TBCK: variants seen among roughly 807,000 people sequenced by gnomAD.
TBCK encodes TBC domain-containing protein kinase-like protein.
In TBCK, 99 loss-of-function variants were observed where a neutral mutation model predicts 113.4. The observed-to-expected ratio is 0.87, with a 90% CI of 0.74 to 1.03. The LOEUF (loss-of-function observed/expected upper bound fraction) is 1.03. Among genes scored for constraint, TBCK ranks in the 50% least tolerant of loss-of-function variants. The probability of loss-of-function intolerance (pLI) is 0.00; values close to 1 mark genes in which losing one functional copy is unlikely to be tolerated. For missense variants in TBCK, 1,045 were observed against 1,061.3 expected, an observed-to-expected ratio of 0.98 and a Z score of 0.21; for synonymous variants, 369 against 370.8, an observed-to-expected ratio of 1.00 and a Z score of 0.05.
chr4:106,079,628 G>C (rs976146741), intron 25 of TBCK, among the ~76,000 whole-genome samples: 1 of 152,174 alleles, frequency 6.6e-6, no homozygotes, highest in East Asian at 1.9e-4. Context: ...TACCAGGAGA[G>C]TTATGAGACA....
intron 25 of TBCK, among the ~76,000 whole-genome samples, chr4:106,053,454 C>T (rs920496346): frequency 1.7e-4 from 26 of 151,714 alleles, no homozygotes; most frequent in African/African-American, 6.3e-4. Flanking sequence ...GCCTTCAGTA[C>T]ACCAATCTCT....
chr4:106,199,248 A>G (rs990585751), intron 20 of TBCK, among the ~76,000 whole-genome samples: 1 of 152,088 alleles, frequency 6.6e-6, no homozygotes, highest in African/African-American at 2.4e-5. Flanking sequence ...TTCTTTACCA[A>G]TCAGCAGGAT....
chr4:106,275,333 G>A (rs1174201039), intron 3 of TBCK, among the ~76,000 whole-genome samples: 1 of 152,020 alleles, frequency 6.6e-6, no homozygotes, highest in African/African-American at 2.4e-5. Context: ...GTATATAATG[G>A]TGAAATACTT....
intron 1 of TBCK, chr4:106,310,070 CCTCA>C: frequency 6.6e-6 from 1 of 152,266 alleles, no homozygotes; most frequent in South Asian, 2.1e-4. Flanking sequence ...TACCCATGGA[CCTCA>C]CTAAGAAGAC....
chr4:106,306,490 ATAT>A lies in TBCK; in HGVS notation c.193+2275_193+2277del, dbSNP rs529850886. Among the ~76,000 whole-genome samples, 459 of 152,174 alleles carry A rather than the reference ATAT, an allele frequency of 3.0e-3. 2 individuals carry two copies. Among genetic ancestry groups the A allele is most frequent in the Non-Finnish European group, 5.4e-3 (364 of 68,000 alleles). ...ATAACAACTATTACTGTATTATTTA[ATAT>A]TATCATGGTTGTATTTTTCTCTACT... On this transcript the variant is annotated intron_variant, in intron 2 of 25. Transcript: ENST00000394708.
In TBCK at chr4:106,130,043, A is replaced by T. The variant is rs142932577; in HGVS notation, c.2236-13665T>A. ...ACTTATTCCCTTAACTAGGGGTGGT[A>T]ACAGGTCTGTAGCTAATATCCATAA... On this transcript the variant is annotated intron_variant, in intron 23 of 25. Coordinates refer to ENST00000394708, the MANE Select transcript of TBCK (RefSeq NM_001163435.3). Among the ~76,000 whole-genome samples the T allele has an allele frequency of 2.2e-3, 328 of 152,256 alleles. 1 individual carries two copies. Among genetic ancestry groups the T allele is most frequent in the African/African-American group, 7.5e-3 (311 of 41,540 alleles).
rs1452308458 is a variant in TBCK at position 106,304,978 on chromosome 4, T to C, written c.193+3790A>G. On this transcript the variant is annotated intron_variant, in intron 2 of 25. Coordinates refer to ENST00000394708, the MANE Select transcript of TBCK (RefSeq NM_001163435.3). The stretch of plus-strand genomic sequence containing the variant: ...TATACTTTATTTCCCTTTGTGAAGA[T>C]GGTATATAAGCCTCAATTCTAACTA... Among the ~76,000 whole-genome samples the C allele has an allele frequency of 3.3e-5, 5 of 152,206 alleles. No individual in the cohort carries two copies. In the East Asian group the frequency reaches 9.6e-4, roughly 29 times the overall value.
At chr4:106,148,041 AG>A (rs1748031103) in intron 23 of TBCK, among the ~76,000 whole-genome samples, 1 of 152,194 alleles carries the variant, frequency 6.6e-6, no homozygotes, top group Non-Finnish European at 1.5e-5. Context: ...AGTCTCCCAT[AG>A]CGCTCCCAGG....
intron 19 of TBCK, among the ~76,000 whole-genome samples, chr4:106,216,369 A>G (rs1296806399): frequency 6.6e-6 from 1 of 152,150 alleles, no homozygotes; most frequent in Admixed American, 6.5e-5. Context: ...CTAAAATCAG[A>G]GCAGAACTGA....
chr4:106,194,742 G>C lies in TBCK; in HGVS notation c.1873C>G (p.Pro625Ala). The stretch of plus-strand genomic sequence containing the variant: ...CGAGTAAACATGGTAAGAAACCAAG[G>C]GATGGCATAGAGCTATGAGTGGAAA... Reference protein sequence around the residue: ...IGFIPDLYAIPWFLTMFTHVF... With the variant: ...IGFIPDLYAIAWFLTMFTHVF... The change falls in exon 21 of 26, where the codon CCT becomes GCT. Residue 625 changes from proline to alanine, a missense_variant. Physicochemically the swap from Pro to Ala is conservative, Grantham distance 27 (BLOSUM62 -1). Transcript: ENST00000394708. 1 of 1,585,326 alleles carries C rather than the reference G, an allele frequency of 6.3e-7. No individual in the cohort carries two copies. The highest frequency in any genetic ancestry group is 8.5e-7 in the Non-Finnish European group (1 of 1,170,536).
intron 20 of TBCK, among the ~76,000 whole-genome samples, chr4:106,197,693 C>G (rs1019073012): frequency 7.9e-5 from 12 of 151,866 alleles, no homozygotes; most frequent in Non-Finnish European, 1.5e-4. Flanking sequence ...TAAAAGCAAG[C>G]CTTGAAAGGA....
chr4:106,306,485 A>G (rs1767543367), intron 2 of TBCK, among the ~76,000 whole-genome samples: 1 of 152,008 alleles, frequency 6.6e-6, no homozygotes, highest in Non-Finnish European at 1.5e-5. Flanking sequence ...TTACTGTATT[A>G]TTTAATATTA....
intron 23 of TBCK, among the ~76,000 whole-genome samples, chr4:106,166,151 C>T (rs1357814733): frequency 1.3e-5 from 2 of 151,472 alleles, no homozygotes; most frequent in African/African-American, 4.8e-5. Flanking sequence ...TTTGTATCTG[C>T]TTTCTATTAT....
At chr4:106,195,453 C>A (rs1271672371) in intron 20 of TBCK, among the ~76,000 whole-genome samples, 1 of 148,004 alleles carries the variant, frequency 6.8e-6, no homozygotes, top group Non-Finnish European at 1.5e-5. Flanking sequence ...TAATTGACTG[C>A]ATCAGGTGAT....
chr4:106,065,617 C>T (rs992896660), intron 25 of TBCK, among the ~76,000 whole-genome samples: 3 of 152,000 alleles, frequency 2.0e-5, no homozygotes, highest in Non-Finnish European at 4.4e-5. Context: ...ACCCTGTGAA[C>T]AGTACCATAC....
chr4:106,062,688 G>A (rs1736182977), intron 25 of TBCK, among the ~76,000 whole-genome samples: 2 of 151,802 alleles, frequency 1.3e-5, no homozygotes, highest in Non-Finnish European at 2.9e-5. Context: ...TAAATGGTGG[G>A]CTGTGGAGTA....
At chr4:106,316,413 G>A, upstream of TBCK, 3 of 818,924 alleles carry the variant, frequency 3.7e-6, no homozygotes, top group Non-Finnish European at 6.0e-6. Context: ...AGCGTGGTAT[G>A]GCAGGTTAAT....
At chr4:106,200,523 G>C (rs905984950) in intron 20 of TBCK, among the ~76,000 whole-genome samples, 3 of 152,122 alleles carry the variant, frequency 2.0e-5, no homozygotes, top group Admixed American at 2.0e-4. Context: ...CTAGGTGACA[G>C]AGCAAGACCC....
At chr4:106,233,153 A>G in intron 16 of TBCK, 89 bp from the exon 17 acceptor site, 1 of 1,265,454 alleles carries the variant, frequency 7.9e-7, no homozygotes, top group Non-Finnish European at 1.1e-6. Context: ...AAGGAAAAGG[A>G]GAAGCTATAA....
Sources: allele counts gnomAD v4.1 joint callset (sites outside exome capture counted in the v4.1 genomes callset), GRCh38; gene constraint gnomAD v4.1.1; transcripts MANE v1.5; gene names NCBI Gene and HGNC (gene_info 2026-07-23, HGNC 2026-07-21).